The following CFAP92 variants were observed in gnomAD, a reference collection of about 807,000 sequenced individuals.
CFAP92 encodes the protein uncharacterized protein CFAP92.
A neutral mutation model predicts 106.3 loss-of-function variants in CFAP92; 86 were observed. The ratio of observed to expected loss-of-function variants is 0.81; its 90% CI spans 0.68 to 0.97. The LOEUF is 0.97. CFAP92 is among the 50% of genes least tolerant of loss of function. The probability of loss-of-function intolerance (pLI) is 0.00; values close to 1 mark genes in which losing one functional copy is unlikely to be tolerated. For missense variants in CFAP92, 1,204 were observed against 1,283.8 expected (o/e 0.94, Z 0.95); for synonymous variants, 477 against 506.4 (o/e 0.94, Z 0.78).
intron 1 of CFAP92, chr3:129,002,130 G>A (rs559054712): frequency 2.0e-6 from 3 of 1,473,354 alleles, no homozygotes; most frequent in Admixed American, 2.6e-5. Flanking sequence ...CGCTCTCAGC[G>A]AGCACATCGA....
At chr3:128,925,473 A>G (rs1937583559) in intron 12 of CFAP92, among the ~76,000 whole-genome samples, 1 of 152,156 alleles carries the variant, frequency 6.6e-6, no homozygotes, top group South Asian at 2.1e-4. Context: ...GCATCAGAAG[A>G]TATATTGGTT....
chr3:128,949,429 T>C (rs1940572852), intron 9 of CFAP92, among the ~76,000 whole-genome samples: 2 of 152,360 alleles, frequency 1.3e-5, no homozygotes, highest in African/African-American at 4.8e-5. Flanking sequence ...CTGAAAGGCA[T>C]TACCTTGAGT....
chr3:129,018,110 A>C, the CFAP92 span, among the ~76,000 whole-genome samples: 3 of 152,158 alleles, frequency 2.0e-5, no homozygotes, highest in Non-Finnish European at 4.4e-5. Flanking sequence ...CTTGGTTTCA[A>C]TTATTCTATA....
chr3:128,971,259 T>C (rs750145162), intron 8 of CFAP92, 28 bp downstream of exon 8: 1 of 1,613,644 alleles, frequency 6.2e-7, no homozygotes, highest in Non-Finnish European at 8.5e-7. Context: ...AAGCAGGAGC[T>C]GCTGGGAACA....
Position 128,928,108 on chromosome 3 carries a change from C to T in CFAP92, c.2751+4592G>A, listed in dbSNP as rs183189063. On this transcript the variant is annotated intron_variant, in intron 12 of 15. Transcript: ENST00000645291. Reference sequence around the variant, plus strand: ...TCTACTAAAAAATACAAAAAATTAGCCGGGAGTGGTGGCGGGTATGTGTAG... The same window carrying T: ...TCTACTAAAAAATACAAAAAATTAGTCGGGAGTGGTGGCGGGTATGTGTAG... Among the ~76,000 whole-genome samples the T allele has an allele frequency of 2.4e-3, 370 of 152,200 alleles. 2 individuals carry two copies. The highest frequency in any genetic ancestry group is 4.1e-3 in the Non-Finnish European group (278 of 68,010).
intron 12 of CFAP92, among the ~76,000 whole-genome samples, chr3:128,923,196 C>T (rs899009470): frequency 6.6e-6 from 1 of 152,188 alleles, no homozygotes; most frequent in South Asian, 2.1e-4. Flanking sequence ...ATGTGTACGA[C>T]CATGGAACAG....
rs1474174988 is a variant in CFAP92, at chr3:128,932,774, G to A, written c.2677C>T (p.His893Tyr). 2 of 1,536,166 alleles carry A rather than the reference G, an allele frequency of 1.3e-6. No homozygotes were observed. The highest frequency in any genetic ancestry group is 1.7e-6 in the Non-Finnish European group (2 of 1,146,932). ...NSTLTLEIHA[H>Y]QEKYLQWRSA... ...CGCCACTGCAGGTACTTCTCCTGGT[G>A]GGCGTGGATCTCTAAGGTGAGGGTG... The change falls in exon 12 of 16, where the codon CAC becomes TAC. Residue 893 changes from histidine (H) to tyrosine (Y), a missense_variant. Physicochemically the swap from His to Tyr is moderately conservative, Grantham distance 83. Coordinates refer to ENST00000645291, the MANE Select transcript of CFAP92 (RefSeq NM_001394090.1).
At chr3:128,994,084 G>A (rs1944383849), upstream of CFAP92, 1 of 985,700 alleles carries the variant, frequency 1.0e-6, no homozygotes, top group Non-Finnish European at 1.2e-6. Flanking sequence ...ACTGAGAGGA[G>A]CGTCCGCCGG....
At chr3:129,001,615 CG>C (rs1944753416) in intron 1 of CFAP92, 1 of 1,355,246 alleles carries the variant, frequency 7.4e-7, no homozygotes, top group East Asian at 3.0e-5. Context: ...AGGAGCGAGG[CG>C]CGCGGCGCAG....
At chr3:129,007,648 C>G (rs1174246497), upstream of CFAP92, among the ~76,000 whole-genome samples, 1 of 152,202 alleles carries the variant, frequency 6.6e-6, no homozygotes, top group African/African-American at 2.4e-5. Context: ...GAAATAGACC[C>G]TTGGGGTTGG....
chr3:128,915,452 G>A lies in CFAP92; in HGVS notation c.3028C>T (p.Leu1010Phe), dbSNP rs938748926. The A allele has an allele frequency of 7.8e-6, 12 of 1,536,014 alleles. No homozygotes were observed. The highest frequency in any genetic ancestry group is 1.0e-5 in the Non-Finnish European group (12 of 1,146,930). The part of the protein sequence containing the change: ...KAQKKSRQAW[L>F]TARGFQVTGL... ...GTCACTTGGAATCCCCTGGCTGTGA[G>A]CCAGGCCTGGCGGGATTTCTTCTGG... The change falls in exon 14 of 16, where the codon CTC becomes TTC. Residue 1010 changes from leucine to phenylalanine, a missense_variant. Coordinates refer to ENST00000645291, the MANE Select transcript of CFAP92 (RefSeq NM_001394090.1).
intron 10 of CFAP92, among the ~76,000 whole-genome samples, chr3:128,942,538 CT>C (rs1939744005): frequency 1.3e-5 from 2 of 152,240 alleles, no homozygotes; most frequent in Non-Finnish European, 2.9e-5. Context: ...CATCCTGTGA[CT>C]GTCAGGTGTG....
chr3:128,915,831 T>A (rs558767671), intron 13 of CFAP92: 1 of 488,706 alleles, frequency 2.0e-6, no homozygotes, highest in African/African-American at 2.0e-5. Flanking sequence ...TAAGCAGCAA[T>A]CATAAAGTGT....
chr3:128,938,448 C>T (rs951306418), intron 10 of CFAP92, among the ~76,000 whole-genome samples: 5 of 150,414 alleles, frequency 3.3e-5, no homozygotes, highest in East Asian at 3.9e-4. Context: ...TGCCTTCTGC[C>T]GCAGAGACCA....
chr3:128,939,005 G>T (rs149009002), intron 10 of CFAP92, among the ~76,000 whole-genome samples: 127 of 152,276 alleles, frequency 8.3e-4, no homozygotes, highest in African/African-American at 2.9e-3. Context: ...CAAAAATCAC[G>T]TCTATTTTCA....
At chr3:128,993,751 G>T in intron 1 of CFAP92, 1 of 296,044 alleles carries the variant, frequency 3.4e-6, no homozygotes, top group Non-Finnish European at 6.3e-6. Context: ...GCCGGGGGCA[G>T]CACGTGCAGG....
the CFAP92 span, among the ~76,000 whole-genome samples, chr3:129,012,787 C>T: frequency 6.6e-6 from 1 of 152,210 alleles, no homozygotes; most frequent in African/African-American, 2.4e-5. Context: ...TCAATGTCCA[C>T]CTCATGAACT....
At chr3:128,973,446 C>T (rs1036948307) in intron 7 of CFAP92, among the ~76,000 whole-genome samples, 18 of 152,018 alleles carry the variant, frequency 1.2e-4, no homozygotes, top group African/African-American at 3.9e-4. Context: ...CACCTGAGGT[C>T]GGGAGTTCAA....
chr3:128,923,933 C>A (rs765973649), intron 12 of CFAP92, among the ~76,000 whole-genome samples: 10 of 152,206 alleles, frequency 6.6e-5, no homozygotes, highest in Non-Finnish European at 1.5e-4. Flanking sequence ...GGGTTGTCCA[C>A]AATCAATCCT....
Sources: allele counts gnomAD v4.1 joint callset (sites outside exome capture counted in the v4.1 genomes callset), GRCh38; gene constraint gnomAD v4.1.1; transcripts MANE v1.5; gene names NCBI Gene and HGNC (gene_info 2026-07-23, HGNC 2026-07-21).